Variants in PTK2 observed in about 807,000 individuals in gnomAD.
PTK2 encodes the protein protein tyrosine kinase 2.
PTK2 carries 45 observed loss-of-function variants against 150.1 expected under a neutral mutation model. That is an observed-to-expected ratio of 0.30 (90% CI 0.24 to 0.38). The LOEUF (loss-of-function observed/expected upper bound fraction) is 0.38. Ranked by LOEUF, PTK2 falls within the 10% of genes least tolerant of loss-of-function variation. PTK2 has a pLI of 1.00. For synonymous variants in PTK2, 432 were observed against 449.2 expected, an observed-to-expected ratio of 0.96 and a Z score of 0.48; for missense variants, 919 against 1,307.3, an observed-to-expected ratio of 0.70 and a Z score of 4.58.
chr8:140,737,166 C>T (rs756427772), intron 21 of PTK2, among the ~76,000 whole-genome samples: 15 of 152,132 alleles, frequency 9.9e-5, no homozygotes, highest in Non-Finnish European at 2.2e-4. Flanking sequence ...ACAAAGCCTC[C>T]ATCACAGCTC....
chr8:140,799,583 G>T (rs1045028478), intron 12 of PTK2, among the ~76,000 whole-genome samples: 2 of 152,118 alleles, frequency 1.3e-5, no homozygotes, highest in African/African-American at 4.8e-5. Flanking sequence ...CAAAGTCTAG[G>T]CTGATACAGT....
At chr8:140,730,351 G>C (rs1329470773) in intron 22 of PTK2, among the ~76,000 whole-genome samples, 1 of 152,164 alleles carries the variant, frequency 6.6e-6, no homozygotes, top group Non-Finnish European at 1.5e-5. Context: ...AATGAGAATT[G>C]AGTATAACTA....
At chr8:140,708,968 C>CAAAAA (rs34259948) in intron 23 of PTK2, among the ~76,000 whole-genome samples, 4 of 132,502 alleles carry the variant, frequency 3.0e-5, no homozygotes, top group Non-Finnish European at 4.8e-5. Context: ...TAAATTCAGG[C>CAAAAA]AAAAAAAAAA....
chr8:140,825,943 T>C (rs2154602478), intron 8 of PTK2, among the ~76,000 whole-genome samples: 1 of 152,332 alleles, frequency 6.6e-6, no homozygotes. Context: ...TACTTGCAAA[T>C]TATTCTTAGT....
chr8:140,731,119 C>T (rs546681079), intron 22 of PTK2, among the ~76,000 whole-genome samples: 32 of 152,110 alleles, frequency 2.1e-4, no homozygotes, highest in African/African-American at 7.5e-4. Flanking sequence ...GCCACCACGC[C>T]GGGCTAATTT....
intron 19 of PTK2, among the ~76,000 whole-genome samples, chr8:140,743,601 A>T (rs1203834267): frequency 6.6e-6 from 1 of 152,102 alleles, no homozygotes; most frequent in Non-Finnish European, 1.5e-5. Flanking sequence ...AATAATGAAA[A>T]TCCTTATTAC....
At chr8:140,829,879 C>T (rs140209579) in intron 8 of PTK2, among the ~76,000 whole-genome samples, 3 of 152,106 alleles carry the variant, frequency 2.0e-5, no homozygotes, top group African/African-American at 7.2e-5. Flanking sequence ...TCCCCTGCTG[C>T]GCTTGAAAAT....
intron 4 of PTK2, among the ~76,000 whole-genome samples, chr8:140,867,698 G>A (rs887401585): frequency 3.9e-5 from 6 of 152,118 alleles, no homozygotes; most frequent in African/African-American, 1.2e-4. Flanking sequence ...CCTGTGACAC[G>A]TAGTTTACCT....
chr8:140,680,955 G>A (rs1478715366), intron 27 of PTK2, among the ~76,000 whole-genome samples: 1 of 152,172 alleles, frequency 6.6e-6, no homozygotes, highest in African/African-American at 2.4e-5. Context: ...CTTTAACTCC[G>A]TAAGTCTGCT....
rs896370586 is a variant in PTK2 at position 140,919,953 on chromosome 8, A to G, written c.-33+5708T>C. On this transcript the variant is annotated intron_variant, in intron 2 of 31. Transcript: ENST00000522684. ...TTGGTGCTAACTTGGTTTAGTACCC[A>G]GTGGTACTAAAATTTTTACCCTGAA... 3.3e-5 allele frequency among the ~76,000 whole-genome samples: 5 copies of G among 152,172 alleles called. No homozygotes were observed. In the South Asian group the frequency reaches 1.0e-3, roughly 32 times the overall value.
At chr8:140,700,821 A>C in intron 26 of PTK2, 70 bp downstream of exon 29, 1 of 1,541,032 alleles carries the variant, frequency 6.5e-7, no homozygotes, top group Non-Finnish European at 8.8e-7. Context: ...AACATTTTGC[A>C]ATAATTTGCA....
At chr8:140,975,087 T>C (rs1286648434) in intron 1 of PTK2, among the ~76,000 whole-genome samples, 1 of 152,184 alleles carries the variant, frequency 6.6e-6, no homozygotes, top group Non-Finnish European at 1.5e-5. Context: ...TACAACATAA[T>C]TAAAAGAACA....
chr8:140,818,834 A>T, intron 9 of PTK2, 46 bp downstream of exon 9: 1 of 1,581,428 alleles, frequency 6.3e-7, no homozygotes, highest in African/African-American at 1.4e-5. Context: ...AGACAAGAAA[A>T]AGTAAAATCA....
rs61261890 is a variant in PTK2 at position 140,902,924 on chromosome 8, G to GTTTTTTT, written c.-32-12162_-32-12156dup. On this transcript the variant is annotated intron_variant, in intron 2 of 31. Coordinates refer to ENST00000522684, the Ensembl canonical transcript of PTK2. ...TTGCCTGTTCACTCTGATGAGAGTTGTTTTTTTTTTTTTTTTTTTTTTTTT... is the reference window on the plus strand; with the variant it reads ...TTGCCTGTTCACTCTGATGAGAGTTGTTTTTTTTTTTTTTTTTTTTTTTTTTTTTTTT... Among the ~76,000 whole-genome samples the GTTTTTTT allele has an allele frequency of 3.9e-4, 23 of 58,956 alleles. 1 individual carries two copies. Among genetic ancestry groups the GTTTTTTT allele is most frequent in the South Asian group, 5.7e-4 (1 of 1,746 alleles). The allele number at this position is 58,956 out of a possible 152,430, so 38.7% of individuals were successfully genotyped here.
rs549466787 is a variant in PTK2, at chr8:140,847,996, C to A, written c.451-1318G>T. Reference sequence around the variant, plus strand: ...CCCTCTGTCTGAATTGCTTGGTAAACCCAAGCCACGTTGAACCTACCCACT... The same window carrying A: ...CCCTCTGTCTGAATTGCTTGGTAAAACCAAGCCACGTTGAACCTACCCACT... On this transcript the variant is annotated intron_variant, in intron 5 of 31. Coordinates refer to ENST00000522684, the Ensembl canonical transcript of PTK2. Among the ~76,000 whole-genome samples, 18 of 152,302 alleles carry A rather than the reference C, an allele frequency of 1.2e-4. No homozygotes were observed. The South Asian group carries it at 2.9e-3, about 25-fold the overall frequency.
chr8:140,947,947 TCTG>T (rs2100178241), intron 1 of PTK2, among the ~76,000 whole-genome samples: 4 of 152,180 alleles, frequency 2.6e-5, no homozygotes, highest in Admixed American at 2.6e-4. Context: ...AGCAAAGGTT[TCTG>T]GTATAGGTGT....
At chr8:140,726,763 G>C (rs1432094505) in intron 22 of PTK2, among the ~76,000 whole-genome samples, 1 of 152,168 alleles carries the variant, frequency 6.6e-6, no homozygotes, top group Non-Finnish European at 1.5e-5. Context: ...CATCTGATGG[G>C]AAACCAAATG....
chr8:140,901,702 G>T (rs1404575272), intron 2 of PTK2, among the ~76,000 whole-genome samples: 3 of 147,674 alleles, frequency 2.0e-5, no homozygotes, highest in Non-Finnish European at 4.4e-5. Context: ...TGTGCAGAAC[G>T]TGCAGGTTTG....
chr8:140,687,542 C>G (rs949852890), intron 26 of PTK2, among the ~76,000 whole-genome samples: 1 of 152,156 alleles, frequency 6.6e-6, no homozygotes, highest in African/African-American at 2.4e-5. Flanking sequence ...ATGTCTGATT[C>G]GTCTGTGTAT....
Sources: allele counts gnomAD v4.1 joint callset (sites outside exome capture counted in the v4.1 genomes callset), GRCh38; gene constraint gnomAD v4.1.1; transcripts MANE v1.5; gene names NCBI Gene and HGNC (gene_info 2026-07-23, HGNC 2026-07-21).